The following GM2A variants were observed in gnomAD, a reference collection of about 807,000 sequenced individuals.
GM2A encodes the protein GM2 ganglioside activator.
A neutral mutation model predicts 12.9 loss-of-function variants in GM2A; 7 were observed. That is an observed-to-expected ratio of 0.54 (90% CI 0.31 to 1.02). GM2A has a LOEUF of 1.02. GM2A is among the 50% of genes least tolerant of loss of function. GM2A has a pLI of 0.05. For synonymous variants in GM2A, 101 were observed against 96.0 expected, an observed-to-expected ratio of 1.05 and a Z score of -0.30; for missense variants, 246 against 241.0, an observed-to-expected ratio of 1.02 and a Z score of -0.14.
At chr5:151,255,036 G>A (rs371709937) in intron 1 of GM2A, among the ~76,000 whole-genome samples, 14 of 152,100 alleles carry the variant, frequency 9.2e-5, no homozygotes, top group African/African-American at 3.1e-4. Flanking sequence ...GTGCGGTGGT[G>A]CACACCTGTA....
rs1178729231 is a variant in GM2A at position 151,268,343 on chromosome 5, T to A, written c.*892T>A. The A allele has an allele frequency of 4.4e-6, 2 of 455,324 alleles. No individual in the cohort carries two copies. Among genetic ancestry groups the A allele is most frequent in the East Asian group, 1.5e-4 (1 of 6,472 alleles). The allele number at this position is 455,324 out of a possible 1,614,324, so 28.2% of individuals were successfully genotyped here. A position where few individuals can be genotyped will look rare whatever the true frequency, so the allele number is the denominator to read the frequency against. On this transcript the variant is annotated 3_prime_UTR_variant, in exon 4 of 4. Coordinates refer to ENST00000357164, the MANE Select transcript of GM2A (RefSeq NM_000405.5). ...CTAATTTGTGTATTTTTAGTAGAGATGGGGTTTCACCATGTTGGCCAGGAT... is the reference window on the plus strand; with the variant it reads ...CTAATTTGTGTATTTTTAGTAGAGAAGGGGTTTCACCATGTTGGCCAGGAT...
Position 151,266,929 on chromosome 5 carries a change from G to A in GM2A, c.426+16G>A, listed in dbSNP as rs753427587. 1.3e-6 allele frequency: 2 copies of A among 1,599,994 alleles called. No individual in the cohort carries two copies. The highest frequency in any genetic ancestry group is 1.7e-6 in the Non-Finnish European group (2 of 1,167,386). ...CTTCAAAGAAGTAAGTACTTAGGGA[G>A]GAGAGAGCGTTACCCCTGTGGCTAA... On this transcript the variant is annotated intron_variant, in intron 3 of 3. Transcript: ENST00000357164.
chr5:151,267,608 C>T lies in GM2A; in HGVS notation c.*157C>T, dbSNP rs375810746. On this transcript the variant is annotated 3_prime_UTR_variant, in exon 4 of 4. Coordinates refer to ENST00000357164, the MANE Select transcript of GM2A (RefSeq NM_000405.5). ...ACTGAAAATCATTTTGTACCACTTA[C>T]ATTTTAGGCTGGGGCAAGCAGCCCT... 2.0e-6 allele frequency: 3 copies of T among 1,529,616 alleles called. No individual in the cohort carries two copies. The highest frequency in any genetic ancestry group is 1.4e-5 in the African/African-American group (1 of 73,006). 94.8% of individuals were successfully genotyped at this position (1,529,616 alleles called of 1,614,324 possible).
intron 2 of GM2A, among the ~76,000 whole-genome samples, chr5:151,262,149 G>A (rs1753810120): frequency 6.6e-6 from 1 of 152,178 alleles, no homozygotes; most frequent in Non-Finnish European, 1.5e-5. Flanking sequence ...AGGGGTGTAT[G>A]TTTTTATATT....
intron 2 of GM2A, among the ~76,000 whole-genome samples, chr5:151,263,366 G>A (rs954217751): frequency 3.4e-4 from 51 of 151,614 alleles, no homozygotes; most frequent in African/African-American, 1.0e-3. Context: ...CACCAGGCCC[G>A]GCTCCCAATA....
At chr5:151,262,113 G>C (rs192906999) in intron 2 of GM2A, among the ~76,000 whole-genome samples, 97 of 152,344 alleles carry the variant, frequency 6.4e-4, no homozygotes, top group African/African-American at 2.3e-3. Context: ...GGAATAACCT[G>C]TTTGTTTCCA....
rs1036692772 is a variant in GM2A, at chr5:151,268,857, G to C, written c.*1406G>C. 4 of 985,262 alleles carry C rather than the reference G, an allele frequency of 4.1e-6. No individual in the cohort carries two copies. Among genetic ancestry groups the C allele is most frequent in the Non-Finnish European group, 4.8e-6 (4 of 829,920 alleles). 61.0% of individuals were successfully genotyped at this position (985,262 alleles called of 1,614,324 possible). ...ACGTCACAACCTCTGATCTCAGACC[G>C]TGCATGCCTTGTCCTCTTAAGACAA... On this transcript the variant is annotated 3_prime_UTR_variant, in exon 4 of 4. Transcript: ENST00000357164.
In GM2A at chr5:151,267,143, T is replaced by C. The variant is rs1016471807; in HGVS notation, c.427-153T>C. The C allele has an allele frequency of 2.7e-5, 27 of 993,540 alleles. No homozygotes were observed. The African/African-American group carries it at 3.4e-4, about 12-fold the overall frequency. The allele number at this position is 993,540 out of a possible 1,614,324, so 61.5% of individuals were successfully genotyped here. A position where few individuals can be genotyped will look rare whatever the true frequency, so the allele number is the denominator to read the frequency against. Reference sequence around the variant, plus strand: ...GCCCTTTATCCATAATAATCCATGCTCTACAGTGCTATGGCCGTCTCTCAT... The same window carrying C: ...GCCCTTTATCCATAATAATCCATGCCCTACAGTGCTATGGCCGTCTCTCAT... On this transcript the variant is annotated intron_variant, in intron 3 of 3. Transcript: ENST00000357164.
intron 2 of GM2A, among the ~76,000 whole-genome samples, chr5:151,266,139 A>G (rs10039987): frequency 0.022 from 3,417 of 152,310 alleles, 127 homozygotes; most frequent in African/African-American, 0.078. Context: ...GTGCATTTCA[A>G]TGCAAGTGTT....
intron 1 of GM2A, among the ~76,000 whole-genome samples, chr5:151,255,692 C>T (rs934750647): frequency 2.6e-5 from 4 of 152,194 alleles, no homozygotes; most frequent in Non-Finnish European, 4.4e-5. Context: ...CCTCACTCTG[C>T]CCCCGAGGCA....
At chr5:151,253,606 C>T (rs974690280) in intron 1 of GM2A, among the ~76,000 whole-genome samples, 6 of 152,078 alleles carry the variant, frequency 3.9e-5, no homozygotes, top group Non-Finnish European at 8.8e-5. Context: ...AGATTCAGTC[C>T]TGTTAACCCT....
chr5:151,257,414 C>T (rs1409068001), intron 1 of GM2A, among the ~76,000 whole-genome samples: 1 of 152,068 alleles, frequency 6.6e-6, no homozygotes, highest in African/African-American at 2.4e-5. Context: ...GATACCCTAC[C>T]CCCACCCCCA....
intron 2 of GM2A, among the ~76,000 whole-genome samples, chr5:151,261,378 A>G (rs887074654): frequency 1.3e-5 from 2 of 152,174 alleles, no homozygotes; most frequent in Non-Finnish European, 2.9e-5. Context: ...TTCATAATTT[A>G]TATAACAAGT....
chr5:151,267,217 G>A lies in GM2A; in HGVS notation c.427-79G>A, dbSNP rs76385220. The stretch of plus-strand genomic sequence containing the variant: ...GGAAGAGGGGTGGTAGTTCATGGCT[G>A]CAATCCTAGCAGTGGCTCTAGGAGA... On this transcript the variant is annotated intron_variant, in intron 3 of 3. Coordinates refer to ENST00000357164, the MANE Select transcript of GM2A (RefSeq NM_000405.5). 1,229 of 1,587,078 alleles carry A rather than the reference G, an allele frequency of 7.7e-4. 7 individuals are homozygous for A. In the African/African-American group the frequency reaches 0.015, roughly 19 times the overall value.
chr5:151,261,227 G>A (rs773546872), intron 2 of GM2A, among the ~76,000 whole-genome samples: 1 of 152,120 alleles, frequency 6.6e-6, no homozygotes, highest in Non-Finnish European at 1.5e-5. Context: ...GCCTCCCTGT[G>A]TTGCCCAGGC....
chr5:151,257,904 C>T (rs952599310), intron 1 of GM2A, among the ~76,000 whole-genome samples: 3 of 152,244 alleles, frequency 2.0e-5, no homozygotes, highest in African/African-American at 7.2e-5. Context: ...GCATTACCTT[C>T]TGCTCTTTTC....
chr5:151,259,712 AC>A (rs745791765), intron 1 of GM2A, 42 bp from the exon 2 acceptor site: 1 of 1,596,580 alleles, frequency 6.3e-7, no homozygotes, highest in Non-Finnish European at 8.6e-7. Flanking sequence ...TCTTTTGTCA[AC>A]CTTTTTCTTC....
At position 151,268,431 on chromosome 5, in the gene GM2A, C is replaced by T. The variant is rs1753939517; in HGVS notation, c.*980C>T. ...GCCTTGCAAAGCGCTGGATTACAGG[C>T]ATGAGCCACTACACCCAGCCGATTT... On this transcript the variant is annotated 3_prime_UTR_variant, in exon 4 of 4. Coordinates refer to ENST00000357164, the MANE Select transcript of GM2A (RefSeq NM_000405.5). 4 of 976,922 alleles carry T rather than the reference C, an allele frequency of 4.1e-6. 1 individual carries two copies. The South Asian group carries it at 1.4e-4, about 35-fold the overall frequency. 60.5% of individuals were successfully genotyped at this position (976,922 alleles called of 1,614,324 possible).
At chr5:151,264,163 C>G (rs1753844591) in intron 2 of GM2A, among the ~76,000 whole-genome samples, 1 of 152,236 alleles carries the variant, frequency 6.6e-6, no homozygotes, top group African/African-American at 2.4e-5. Flanking sequence ...GGTAACTTGG[C>G]TCCCCCAGCA....
Sources: gnomAD v4.1 joint callset for allele counts (sites outside exome capture counted in the v4.1 genomes callset) on GRCh38, gnomAD v4.1.1 for gene constraint, MANE v1.5 for transcripts, NCBI Gene and HGNC (gene_info 2026-07-23, HGNC 2026-07-21) for gene names.